Variants in TENM2 observed in about 807,000 individuals in gnomAD.
TENM2 encodes teneurin transmembrane protein 2.
A neutral mutation model predicts 245.2 loss-of-function variants in TENM2; 52 were observed. The ratio of observed to expected loss-of-function variants is 0.21; its 90% CI spans 0.17 to 0.27. TENM2 has a LOEUF of 0.27. Among genes scored for constraint, TENM2 ranks in the 10% least tolerant of loss-of-function variants. The pLI is 1.00. For missense variants in TENM2, 3,046 were observed against 3,666.8 expected (o/e 0.83, Z 4.37); for synonymous variants, 1,363 against 1,438.9 (o/e 0.95, Z 1.19).
rs768861270 is a variant in TENM2 at position 168,218,898 on chromosome 5, C to T, written c.5007C>T (p.Val1669=). The change falls in exon 23 of 29, where the codon GTC becomes GTT. Residue 1669 remains valine, a synonymous_variant. Coordinates refer to ENST00000518659, the Ensembl canonical transcript of TENM2. The surrounding 1 kb of genome is among the most constrained non-coding windows in gnomAD (Gnocchi z 5.2). ...TGGGCACCAATGGAGGCCTCAAAGT[C>T]GTGTCCACACAGAACCTGGAGCTTG... 60 of 1,613,886 alleles carry T rather than the reference C, an allele frequency of 3.7e-5. 1 individual carries two copies. The Middle Eastern group carries it at 1.2e-3, about 31-fold the overall frequency.
intron 3 of TENM2, among the ~76,000 whole-genome samples, chr5:167,901,706 T>C (rs534645654): frequency 2.0e-4 from 31 of 152,356 alleles, no homozygotes; most frequent in African/African-American, 6.5e-4. Context: ...TTAAATATTA[T>C]GCTAGAGCAC....
chr5:167,048,246 T>C, the TENM2 span, among the ~76,000 whole-genome samples: 1 of 152,196 alleles, frequency 6.6e-6, no homozygotes, highest in East Asian at 1.9e-4. Flanking sequence ...TCAGCCCATT[T>C]TTATGAGCTA....
intron 2 of TENM2, among the ~76,000 whole-genome samples, chr5:167,666,757 A>G (rs1472855330): frequency 6.6e-6 from 1 of 152,220 alleles, no homozygotes; most frequent in African/African-American, 2.4e-5. Context: ...CCTACTGAAG[A>G]CATTATATAA....
rs58942656 is a variant in TENM2, at chr5:167,731,697, GT to G, written c.503-144271del. Among the ~76,000 whole-genome samples the G allele has an allele frequency of 8.3e-3, 1,005 of 121,652 alleles. 1 individual carries two copies. The highest frequency in any genetic ancestry group is 0.03 in the Middle Eastern group (7 of 230). The allele number at this position is 121,652 out of a possible 152,430, so 79.8% of individuals were successfully genotyped here. On this transcript the variant is annotated intron_variant, in intron 2 of 28. Transcript: ENST00000518659. ...TCACTAAAGCATCAATTTCTCAGAGGTTTTTTTTTTTTTTTTTTGAAATATT... is the reference window on the plus strand; with the variant it reads ...TCACTAAAGCATCAATTTCTCAGAGGTTTTTTTTTTTTTTTTTGAAATATT...
At chr5:168,199,784 GCAGA>G in intron 16 of TENM2, 76 bp from the exon 19 acceptor site, 14 of 1,468,558 alleles carry the variant, frequency 9.5e-6, no homozygotes, top group South Asian at 3.8e-5. Context: ...GAGGGACATA[GCAGA>G]CAGACAGTAT....
chr5:168,235,408 G>A (rs1765338646), intron 25 of TENM2, among the ~76,000 whole-genome samples: 1 of 152,184 alleles, frequency 6.6e-6, no homozygotes, highest in Admixed American at 6.5e-5. Flanking sequence ...ACTTTTGGGT[G>A]GCTTCTGTTT....
chr5:167,797,375 T>C (rs1324149958), intron 2 of TENM2, among the ~76,000 whole-genome samples: 7 of 152,172 alleles, frequency 4.6e-5, no homozygotes, highest in African/African-American at 1.4e-4. Flanking sequence ...AGCGGAAATA[T>C]TTGTCCCCTT....
At chr5:167,845,610 G>A (rs1335903333) in intron 2 of TENM2, among the ~76,000 whole-genome samples, 1 of 152,140 alleles carries the variant, frequency 6.6e-6, no homozygotes, top group Non-Finnish European at 1.5e-5. Flanking sequence ...TATGGGAATA[G>A]TGGGGGGAAT....
the TENM2 span, among the ~76,000 whole-genome samples, chr5:167,269,637 A>G: frequency 1.7e-5 from 2 of 119,858 alleles, no homozygotes; most frequent in Non-Finnish European, 3.5e-5. Flanking sequence ...GGGATGGAGT[A>G]AAAAAGGATT....
intron 2 of TENM2, among the ~76,000 whole-genome samples, chr5:167,841,114 T>G (rs1769475798): frequency 6.6e-6 from 1 of 151,876 alleles, no homozygotes; most frequent in Admixed American, 6.6e-5. Flanking sequence ...TGGAGTACAG[T>G]GGCATGATCT....
chr5:167,508,454 A>G (rs1396164117), intron 2 of TENM2, among the ~76,000 whole-genome samples: 2 of 152,190 alleles, frequency 1.3e-5, no homozygotes, highest in Admixed American at 6.5e-5. Context: ...CCTCAGCTCA[A>G]TTAAATTATA....
chr5:168,007,572 G>A (rs531781327), intron 5 of TENM2, among the ~76,000 whole-genome samples: 4 of 152,148 alleles, frequency 2.6e-5, no homozygotes, highest in Non-Finnish European at 4.4e-5. Context: ...AAGGTTAGGG[G>A]GCTCAGTATA....
intron 2 of TENM2, among the ~76,000 whole-genome samples, chr5:167,404,118 A>G (rs1411198443): frequency 6.6e-6 from 1 of 151,988 alleles, no homozygotes; most frequent in African/African-American, 2.4e-5. Flanking sequence ...TTTTAAACCA[A>G]TTTAACTCTC....
intron 25 of TENM2, among the ~76,000 whole-genome samples, chr5:168,237,864 C>A (rs1051934179): frequency 6.6e-6 from 1 of 151,576 alleles, no homozygotes; most frequent in Non-Finnish European, 1.5e-5. Flanking sequence ...AATCCCAGGC[C>A]GGGCGCGGTG....
chr5:167,751,912 A>G (rs887688088), intron 2 of TENM2, among the ~76,000 whole-genome samples: 4 of 151,972 alleles, frequency 2.6e-5, no homozygotes, highest in Non-Finnish European at 4.4e-5. Flanking sequence ...GTTGAGAGAC[A>G]AGTCTGTCTT....
the TENM2 span, among the ~76,000 whole-genome samples, chr5:167,108,428 T>C: frequency 1.3e-5 from 2 of 152,210 alleles, no homozygotes; most frequent in African/African-American, 4.8e-5. Context: ...GCCCGGCCAC[T>C]GTGGGTATTT....
intron 9 of TENM2, among the ~76,000 whole-genome samples, chr5:168,115,408 G>GGAAA (rs1458782856): frequency 0.12 from 14,892 of 122,718 alleles, 1,812 homozygotes; most frequent in East Asian, 0.19. Context: ...AAGGAAGGAA[G>GGAAA]GGAAAGGAAA....
the TENM2 span, among the ~76,000 whole-genome samples, chr5:167,146,854 C>T: frequency 6.6e-6 from 1 of 151,704 alleles, no homozygotes; most frequent in African/African-American, 2.4e-5. Context: ...AATATATGTC[C>T]CACACTTGGA....
At chr5:167,340,925 G>A (rs921476206) in intron 1 of TENM2, among the ~76,000 whole-genome samples, 4 of 151,978 alleles carry the variant, frequency 2.6e-5, no homozygotes, top group Non-Finnish European at 2.9e-5. Context: ...TTCTAAAAAC[G>A]ACAAGTCAGA....
Sources: gnomAD v4.1 joint callset for allele counts (sites outside exome capture counted in the v4.1 genomes callset) on GRCh38, gnomAD v4.1.1 for gene constraint, Gnocchi (gnomAD v3.1) non-coding constraint, MANE v1.5 for transcripts, NCBI Gene and HGNC (gene_info 2026-07-23, HGNC 2026-07-21) for gene names.